DLGAP1: variants seen among roughly 807,000 people sequenced by gnomAD.
The protein encoded by DLGAP1 is disks large-associated protein 1.
DLGAP1 carries 11 observed loss-of-function variants against 90.8 expected under a neutral mutation model. The ratio of observed to expected loss-of-function variants is 0.12; its 90% CI spans 0.08 to 0.20. DLGAP1 has a LOEUF of 0.20. Ranked by LOEUF, DLGAP1 falls within the 10% of genes least tolerant of loss-of-function variation. The pLI is 1.00. For missense variants in DLGAP1, 1,050 were observed against 1,333.8 expected, an observed-to-expected ratio of 0.79 and a Z score of 3.31; for synonymous variants, 558 against 540.7, an observed-to-expected ratio of 1.03 and a Z score of -0.44.
At chr18:4,363,354 AC>A (rs1439537874) in intron 1 of DLGAP1, among the ~76,000 whole-genome samples, 1 of 152,174 alleles carries the variant, frequency 6.6e-6, no homozygotes, top group Non-Finnish European at 1.5e-5. Context: ...CCCAACCTAC[AC>A]AGGGATCCTT....
intron 7 of DLGAP1, among the ~76,000 whole-genome samples, chr18:3,698,607 T>A (rs577186055): frequency 3.3e-5 from 5 of 150,706 alleles, no homozygotes; most frequent in Admixed American, 2.0e-4. Flanking sequence ...TTCTCTCTGA[T>A]GATTATGTGT....
intron 8 of DLGAP1, among the ~76,000 whole-genome samples, chr18:3,578,025 C>T (rs552877344): frequency 1.2e-4 from 18 of 152,278 alleles, no homozygotes; most frequent in African/African-American, 4.1e-4. Flanking sequence ...ACTGTGCTTA[C>T]GGCCTTACAT....
intron 2 of DLGAP1, among the ~76,000 whole-genome samples, chr18:4,063,535 G>A (rs2075329514): frequency 6.6e-6 from 1 of 152,102 alleles, no homozygotes; most frequent in Admixed American, 6.6e-5. Flanking sequence ...GCTGTCTTAA[G>A]TGGGGCAAAT....
chr18:3,829,215 G>A (rs1372376619), intron 4 of DLGAP1, among the ~76,000 whole-genome samples: 1 of 152,116 alleles, frequency 6.6e-6, no homozygotes, highest in Non-Finnish European at 1.5e-5. Flanking sequence ...CATAAAGTGA[G>A]GACAGCAATA....
Position 4,115,522 on chromosome 18 carries a change from G to C in DLGAP1, c.-159+35658C>G, listed in dbSNP as rs567942558. ...TTTTTTTGAGACGGAGTCTTGCTCT[G>C]TTGCCCAGGCTGGAGTGCAGTGGCG... On this transcript the variant is annotated intron_variant, in intron 2 of 12. Coordinates refer to ENST00000315677, the MANE Select transcript of DLGAP1 (RefSeq NM_004746.4). Among the ~76,000 whole-genome samples the C allele has an allele frequency of 2.8e-5, 4 of 141,830 alleles. No homozygotes were observed. The South Asian group carries it at 8.4e-4, about 30-fold the overall frequency. 93.0% of individuals were successfully genotyped at this position (141,830 alleles called of 152,430 possible).
intron 5 of DLGAP1, among the ~76,000 whole-genome samples, chr18:3,794,859 G>A (rs937829450): frequency 2.0e-5 from 3 of 152,192 alleles, no homozygotes; most frequent in Non-Finnish European, 2.9e-5. Context: ...GAGAAAAAGT[G>A]CGTCACTGGT....
At chr18:4,169,958 C>G (rs2076995755) in intron 1 of DLGAP1, among the ~76,000 whole-genome samples, 1 of 152,190 alleles carries the variant, frequency 6.6e-6, no homozygotes, top group South Asian at 2.1e-4. Flanking sequence ...AAATAATCCA[C>G]TCACTCTACA....
rs7240009 is a variant in DLGAP1, at chr18:4,262,570, T to A, written c.-266-111283A>T. Among the ~76,000 whole-genome samples, 394 of 152,300 alleles carry A rather than the reference T, an allele frequency of 2.6e-3. 3 individuals are homozygous for A. The highest frequency in any genetic ancestry group is 9.2e-3 in the African/African-American group (382 of 41,568). ...TGCAAGGAAATAGGAATAAAACTGGTCATTGTTCAAATGACTCCTGATCCT... is the reference window on the plus strand; with the variant it reads ...TGCAAGGAAATAGGAATAAAACTGGACATTGTTCAAATGACTCCTGATCCT... On this transcript the variant is annotated intron_variant, in intron 1 of 12. Transcript: ENST00000315677.
chr18:4,120,202 AGTT>A (rs1171832448), intron 2 of DLGAP1, among the ~76,000 whole-genome samples: 1 of 152,246 alleles, frequency 6.6e-6, no homozygotes, highest in Non-Finnish European at 1.5e-5. Flanking sequence ...TAAAGCTCCT[AGTT>A]GTTCAGACAT....
intron 9 of DLGAP1, among the ~76,000 whole-genome samples, chr18:3,546,465 G>A (rs2053026854): frequency 6.8e-6 from 1 of 146,322 alleles, no homozygotes; most frequent in African/African-American, 2.5e-5. Context: ...AGTACACACA[G>A]AGCATTTAAC....
intron 7 of DLGAP1, among the ~76,000 whole-genome samples, chr18:3,720,886 T>TAAA (rs2061946578): frequency 5.2e-5 from 1 of 19,320 alleles, no homozygotes; most frequent in Non-Finnish European, 7.3e-5. Context: ...ACCTTGTCTC[T>TAAA]ACAAAAAAAA....
intron 1 of DLGAP1, among the ~76,000 whole-genome samples, chr18:4,341,011 T>C (rs892370620): frequency 2.6e-5 from 4 of 151,968 alleles, no homozygotes; most frequent in African/African-American, 4.8e-5. Context: ...AGAGATTACA[T>C]ATGAAATAAT....
intron 2 of DLGAP1, among the ~76,000 whole-genome samples, chr18:4,146,879 C>T (rs557235432): frequency 1.4e-4 from 21 of 152,086 alleles, no homozygotes; most frequent in African/African-American, 5.1e-4. Flanking sequence ...TAAAAACATA[C>T]AAAATAAATT....
At chr18:4,312,299 C>T (rs181420200) in intron 1 of DLGAP1, among the ~76,000 whole-genome samples, 35 of 152,258 alleles carry the variant, frequency 2.3e-4, no homozygotes, top group African/African-American at 7.0e-4. Flanking sequence ...GCAATGCCTA[C>T]GATTTATACA....
intron 1 of DLGAP1, among the ~76,000 whole-genome samples, chr18:4,437,315 T>A (rs994673611): frequency 2.0e-5 from 3 of 152,198 alleles, no homozygotes; most frequent in Admixed American, 6.5e-5. Flanking sequence ...TTCAGAATTG[T>A]TAAATAATTG....
chr18:3,921,082 A>G (rs1177501235), intron 3 of DLGAP1, among the ~76,000 whole-genome samples: 2 of 152,240 alleles, frequency 1.3e-5, no homozygotes, highest in African/African-American at 4.8e-5. Context: ...GAATGATTCT[A>G]TAGCTCAATA....
intron 2 of DLGAP1, among the ~76,000 whole-genome samples, chr18:4,037,381 A>C (rs2074906203): frequency 6.6e-6 from 1 of 152,220 alleles, no homozygotes; most frequent in Non-Finnish European, 1.5e-5. Flanking sequence ...ATAACCAGTG[A>C]GTTTAACTTT....
intron 9 of DLGAP1, among the ~76,000 whole-genome samples, chr18:3,559,062 T>C (rs537445627): frequency 4.1e-4 from 63 of 152,340 alleles, no homozygotes; most frequent in African/African-American, 1.5e-3. Flanking sequence ...TTAGAAAATA[T>C]AGTAATTCTC....
chr18:3,709,824 G>C (rs778027404), intron 7 of DLGAP1, among the ~76,000 whole-genome samples: 5 of 152,114 alleles, frequency 3.3e-5, no homozygotes, highest in Non-Finnish European at 7.3e-5. Flanking sequence ...TCTTTTCTCT[G>C]CATTCCTACC....
Sources: allele counts gnomAD v4.1 joint callset (sites outside exome capture counted in the v4.1 genomes callset), GRCh38; gene constraint gnomAD v4.1.1; transcripts MANE v1.5; gene names NCBI Gene and HGNC (gene_info 2026-07-23, HGNC 2026-07-21).